The following SLIT3 variants were observed in gnomAD, a reference collection of about 807,000 sequenced individuals.
The protein encoded by SLIT3 is slit homolog 3 protein.
Under a neutral mutation model 184.0 loss-of-function variants are expected in SLIT3, and 68 were observed. The observed-to-expected ratio is 0.37, with a 90% CI of 0.30 to 0.45. SLIT3 has a LOEUF of 0.45. Among genes scored for constraint, SLIT3 ranks in the 20% least tolerant of loss-of-function variants. SLIT3 has a pLI of 1.00. For synonymous variants in SLIT3, 831 were observed against 828.6 expected, an observed-to-expected ratio of 1.00 and a Z score of -0.05; for missense variants, 1,707 against 2,026.0, an observed-to-expected ratio of 0.84 and a Z score of 3.02.
chr5:168,666,355 G>A lies in SLIT3; in HGVS notation c.*99C>T, dbSNP rs1222578053. 1 of 1,181,080 alleles carries A rather than the reference G, an allele frequency of 8.5e-7. No homozygotes were observed. Among genetic ancestry groups the A allele is most frequent in the Non-Finnish European group, 1.1e-6 (1 of 880,978 alleles). The allele number at this position is 1,181,080 out of a possible 1,614,324, so 73.2% of individuals were successfully genotyped here. A position where few individuals can be genotyped will look rare whatever the true frequency, so the allele number is the denominator to read the frequency against. On this transcript the variant is annotated 3_prime_UTR_variant, in exon 36 of 36. Transcript: ENST00000519560. ...CTCTTCTTCTTTACCTTCCTCTCCA[G>A]CTTCATTTCCTTCATGCTGAATCAC...
intron 4 of SLIT3, among the ~76,000 whole-genome samples, chr5:169,119,314 C>T (rs900676442): frequency 6.6e-6 from 1 of 152,142 alleles, no homozygotes. Context: ...GGAAGGAGCA[C>T]CCCCTAGAAT....
intron 3 of SLIT3, among the ~76,000 whole-genome samples, chr5:169,200,711 G>A (rs2113486775): frequency 6.6e-6 from 1 of 152,272 alleles, no homozygotes; most frequent in Non-Finnish European, 1.5e-5. Flanking sequence ...CCTTGATCTG[G>A]GGCTGTTCCC....
intron 27 of SLIT3, 22 bp from the exon 28 acceptor site, chr5:168,696,453 G>C (rs1423154970): frequency 1.1e-5 from 18 of 1,613,504 alleles, no homozygotes; most frequent in Non-Finnish European, 1.4e-5. Flanking sequence ...GAGGGGTGGA[G>C]AGCAGGGGAG....
intron 4 of SLIT3, among the ~76,000 whole-genome samples, chr5:168,968,416 C>T (rs988176854): frequency 3.3e-5 from 5 of 152,232 alleles, no homozygotes; most frequent in Non-Finnish European, 7.3e-5. Flanking sequence ...TCCCTGTTGT[C>T]ACCTTGGCAG....
intron 4 of SLIT3, among the ~76,000 whole-genome samples, chr5:168,962,403 A>G (rs1168649917): frequency 6.6e-6 from 1 of 152,020 alleles, no homozygotes; most frequent in Non-Finnish European, 1.5e-5. Flanking sequence ...ATAATGATTT[A>G]TGGGAGGCTG....
chr5:168,918,887 C>A (rs1184473872), intron 4 of SLIT3, among the ~76,000 whole-genome samples: 1 of 152,120 alleles, frequency 6.6e-6, no homozygotes, highest in Non-Finnish European at 1.5e-5. Context: ...AAATCCTCAC[C>A]ATATATAACC....
chr5:168,845,862 C>T (rs1345255074), intron 5 of SLIT3, among the ~76,000 whole-genome samples: 1 of 152,170 alleles, frequency 6.6e-6, no homozygotes, highest in Non-Finnish European at 1.5e-5. Flanking sequence ...AGAGCTATGG[C>T]TGTACTAAAA....
chr5:169,220,753 A>G (rs1401213173), intron 3 of SLIT3, among the ~76,000 whole-genome samples: 1 of 152,172 alleles, frequency 6.6e-6, no homozygotes, highest in African/African-American at 2.4e-5. Context: ...AAATACATGA[A>G]CTTGCTGAGA....
At chr5:168,956,980 G>C (rs796210137) in intron 4 of SLIT3, among the ~76,000 whole-genome samples, 8 of 151,466 alleles carry the variant, frequency 5.3e-5, no homozygotes, top group African/African-American at 1.5e-4. Context: ...TGTAATCCCA[G>C]CACTTTGGGA....
intron 4 of SLIT3, among the ~76,000 whole-genome samples, chr5:169,081,021 T>C (rs11134557): frequency 0.4 from 61,248 of 152,110 alleles, 13,647 homozygotes; most frequent in South Asian, 0.56. Flanking sequence ...GCACTGTGGC[T>C]GCCCCCGCCC....
chr5:169,031,460 T>G (rs17070755), intron 4 of SLIT3, among the ~76,000 whole-genome samples: 1,757 of 152,308 alleles, frequency 0.012, 27 homozygotes, highest in African/African-American at 0.04. Flanking sequence ...AGGAAAGATC[T>G]GTTTGTTGCA....
intron 20 of SLIT3, among the ~76,000 whole-genome samples, chr5:168,743,611 G>A (rs971439553): frequency 6.6e-5 from 10 of 152,164 alleles, no homozygotes; most frequent in South Asian, 2.1e-4. Flanking sequence ...ACCCTACAAC[G>A]GCCTCTAAGA....
At chr5:169,037,979 G>C (rs1212240080) in intron 4 of SLIT3, 1 of 152,214 alleles carries the variant, frequency 6.6e-6, no homozygotes, top group African/African-American at 2.4e-5. Flanking sequence ...TTAGTGCCTG[G>C]AAGGCCAAGA....
intron 4 of SLIT3, among the ~76,000 whole-genome samples, chr5:169,125,574 C>T (rs368978006): frequency 2.1e-4 from 32 of 152,290 alleles, no homozygotes; most frequent in African/African-American, 5.1e-4. Context: ...CGGCCTTCAC[C>T]GTGAGGGAGG....
chr5:169,036,143 AAAG>A (rs1348943139), intron 4 of SLIT3: 3 of 152,350 alleles, frequency 2.0e-5, no homozygotes, highest in East Asian at 1.9e-4. Context: ...ATTAACATGG[AAAG>A]AAGAAGAGGC....
At chr5:169,087,947 C>T (rs1189613302) in intron 4 of SLIT3, among the ~76,000 whole-genome samples, 1 of 152,158 alleles carries the variant, frequency 6.6e-6, no homozygotes, top group Non-Finnish European at 1.5e-5. Context: ...TTGGCATCCC[C>T]CTACTTTCCT....
At chr5:169,227,193 G>A (rs751327113) in intron 3 of SLIT3, among the ~76,000 whole-genome samples, 5 of 152,204 alleles carry the variant, frequency 3.3e-5, no homozygotes, top group Non-Finnish European at 7.3e-5. Context: ...GTAGGGAATA[G>A]CTGAACAGTC....
intron 4 of SLIT3, among the ~76,000 whole-genome samples, chr5:169,079,840 G>GGGA (rs1287812955): frequency 1.7e-5 from 2 of 117,310 alleles, no homozygotes; most frequent in Non-Finnish European, 3.7e-5. Flanking sequence ...GGAGGAGGGA[G>GGGA]GGAGGAGGAG....
chr5:169,047,408 G>A (rs985126448), intron 4 of SLIT3, among the ~76,000 whole-genome samples: 1 of 152,034 alleles, frequency 6.6e-6, no homozygotes, highest in African/African-American at 2.4e-5. Context: ...TCTGCTACCC[G>A]CTGTCCTAAC....
Sources: allele counts gnomAD v4.1 joint callset (sites outside exome capture counted in the v4.1 genomes callset), GRCh38; gene constraint gnomAD v4.1.1; transcripts MANE v1.5; gene names NCBI Gene and HGNC (gene_info 2026-07-23, HGNC 2026-07-21).